Variants in NOL4 observed in about 807,000 individuals in gnomAD.
NOL4 encodes the protein nucleolar protein 4, also known as cancer/testis antigen 125.
Under a neutral mutation model 75.9 loss-of-function variants are expected in NOL4, and 17 were observed. That is an observed-to-expected ratio of 0.22 (90% CI 0.15 to 0.34). The LOEUF (loss-of-function observed/expected upper bound fraction) is 0.34. Ranked by LOEUF, NOL4 falls within the 10% of genes least tolerant of loss-of-function variation. The pLI is 1.00. For missense variants in NOL4, 614 were observed against 793.5 expected (o/e 0.77, Z 2.72); for synonymous variants, 292 against 289.9 (o/e 1.01, Z -0.07).
intron 10 of NOL4, among the ~76,000 whole-genome samples, chr18:33,853,540 T>C (rs1262995608): frequency 6.6e-6 from 1 of 152,088 alleles, no homozygotes; most frequent in Non-Finnish European, 1.5e-5. Context: ...TTCAGGAATA[T>C]GTTTAGAGTT....
intron 2 of NOL4, among the ~76,000 whole-genome samples, chr18:34,115,930 C>T (rs926839209): frequency 6.6e-6 from 1 of 152,106 alleles, no homozygotes; most frequent in African/African-American, 2.4e-5. Flanking sequence ...TTTTTCATAA[C>T]TTACCACTTG....
At chr18:34,027,488 C>CTT (rs1241604322) in intron 5 of NOL4, among the ~76,000 whole-genome samples, 2 of 152,164 alleles carry the variant, frequency 1.3e-5, no homozygotes, top group African/African-American at 4.8e-5. Context: ...AGGGGCTAGG[C>CTT]TTTTCTTCAC....
chr18:34,177,847 A>G (rs1353803825), intron 1 of NOL4, among the ~76,000 whole-genome samples: 1 of 151,938 alleles, frequency 6.6e-6, no homozygotes, highest in Non-Finnish European at 1.5e-5. Flanking sequence ...TTGAACTAAA[A>G]GAAATGATGA....
intron 6 of NOL4, among the ~76,000 whole-genome samples, chr18:33,967,916 T>C (rs900898256): frequency 6.6e-6 from 1 of 151,918 alleles, no homozygotes. Flanking sequence ...TGAAACCCTG[T>C]CTCTACTAAA....
chr18:34,077,867 A>G (rs2077821212), intron 5 of NOL4, among the ~76,000 whole-genome samples: 1 of 152,162 alleles, frequency 6.6e-6, no homozygotes, highest in Non-Finnish European at 1.5e-5. Context: ...CCAAAATGTT[A>G]TTTCCCATGG....
At chr18:33,871,404 T>A (rs997400148) in intron 10 of NOL4, among the ~76,000 whole-genome samples, 2 of 151,670 alleles carry the variant, frequency 1.3e-5, no homozygotes, top group Non-Finnish European at 2.9e-5. Flanking sequence ...ATATAAAGAG[T>A]GAGATTTCTG....
chr18:34,030,794 A>G (rs2075601262), intron 5 of NOL4, among the ~76,000 whole-genome samples: 1 of 152,182 alleles, frequency 6.6e-6, no homozygotes, highest in African/African-American at 2.4e-5. Flanking sequence ...CATATACTAT[A>G]TATGTAAAAA....
At chr18:34,220,530 C>G (rs888270118) in intron 1 of NOL4, among the ~76,000 whole-genome samples, 1 of 151,990 alleles carries the variant, frequency 6.6e-6, no homozygotes, top group Non-Finnish European at 1.5e-5. Context: ...GTACTCCTAC[C>G]ATCGGAAAGA....
At chr18:34,204,458 G>A (rs1454350319) in intron 1 of NOL4, among the ~76,000 whole-genome samples, 3 of 151,896 alleles carry the variant, frequency 2.0e-5, no homozygotes, top group Non-Finnish European at 2.9e-5. Flanking sequence ...TTTTGAATAT[G>A]CTGCATTTTA....
intron 6 of NOL4, among the ~76,000 whole-genome samples, chr18:33,983,186 TA>T (rs915497120): frequency 1.2e-4 from 18 of 152,064 alleles, no homozygotes; most frequent in Middle Eastern, 3.4e-3. Context: ...TGCCAGGGGT[TA>T]GGGGGAGGAA....
intron 8 of NOL4, among the ~76,000 whole-genome samples, chr18:33,944,669 G>T (rs1042216019): frequency 4.0e-5 from 6 of 151,756 alleles, no homozygotes; most frequent in Non-Finnish European, 8.8e-5. Flanking sequence ...GAGGTCCATG[G>T]GTGGCAGGAA....
intron 9 of NOL4, among the ~76,000 whole-genome samples, chr18:33,886,138 A>T (rs1206385804): frequency 6.6e-6 from 1 of 152,134 alleles, no homozygotes; most frequent in Non-Finnish European, 1.5e-5. Context: ...ACTTATGGAC[A>T]TAGAGAGTAG....
At chr18:34,131,553 C>A (rs1941192854) in intron 1 of NOL4, among the ~76,000 whole-genome samples, 1 of 152,000 alleles carries the variant, frequency 6.6e-6, no homozygotes, top group Non-Finnish European at 1.5e-5. Flanking sequence ...TTGTTCCCAG[C>A]CATGAAATTT....
chr18:33,881,384 C>T (rs540635600), intron 10 of NOL4, among the ~76,000 whole-genome samples: 17 of 149,234 alleles, frequency 1.1e-4, no homozygotes, highest in African/African-American at 4.0e-4. Flanking sequence ...TTGCCCTGGC[C>T]AGAACTTCCA....
chr18:34,138,649 C>T (rs2081002666), intron 1 of NOL4, among the ~76,000 whole-genome samples: 1 of 152,012 alleles, frequency 6.6e-6, no homozygotes, highest in African/African-American at 2.4e-5. Flanking sequence ...TCCTCTTTTC[C>T]TAATTGAATA....
chr18:34,204,833 A>G (rs779959311), intron 1 of NOL4, among the ~76,000 whole-genome samples: 1 of 152,160 alleles, frequency 6.6e-6, no homozygotes, highest in Non-Finnish European at 1.5e-5. Flanking sequence ...GAAGAATTAA[A>G]TTTAGTTGTC....
At chr18:34,185,021 C>A (rs2034346339) in intron 1 of NOL4, among the ~76,000 whole-genome samples, 1 of 152,050 alleles carries the variant, frequency 6.6e-6, no homozygotes. Flanking sequence ...CATCCTCTAA[C>A]AACACTCAAT....
At chr18:34,172,389 G>GTA (rs2033131933) in intron 1 of NOL4, among the ~76,000 whole-genome samples, 1 of 152,116 alleles carries the variant, frequency 6.6e-6, no homozygotes, top group Admixed American at 6.5e-5. Flanking sequence ...ATGCATGTGT[G>GTA]TATATACATA....
chr18:34,073,379 G>T (rs1218495483), intron 5 of NOL4, among the ~76,000 whole-genome samples: 2 of 151,742 alleles, frequency 1.3e-5, no homozygotes, highest in African/African-American at 4.8e-5. Context: ...TACTCCCATG[G>T]ATATCCCAAA....
Sources: allele counts gnomAD v4.1 joint callset (sites outside exome capture counted in the v4.1 genomes callset), GRCh38; gene constraint gnomAD v4.1.1; transcripts MANE v1.5; gene names NCBI Gene and HGNC (gene_info 2026-07-23, HGNC 2026-07-21).